The following SBF2 variants were observed in gnomAD, a reference collection of about 807,000 sequenced individuals.
SBF2 encodes the protein myotubularin-related protein 13.
A neutral mutation model predicts 225.2 loss-of-function variants in SBF2; 112 were observed. The observed-to-expected ratio is 0.50, with a 90% CI of 0.43 to 0.58. SBF2 has a LOEUF of 0.58. Among genes scored for constraint, SBF2 ranks in the 20% least tolerant of loss-of-function variants. The probability of loss-of-function intolerance (pLI) is 0.00; values close to 1 mark genes in which losing one functional copy is unlikely to be tolerated. For missense variants in SBF2, 1,996 were observed against 2,206.2 expected (o/e 0.90, Z 1.91); for synonymous variants, 763 against 773.3 (o/e 0.99, Z 0.22).
chr11:9,851,602 C>T (rs1479756059), intron 21 of SBF2, among the ~76,000 whole-genome samples: 1 of 152,032 alleles, frequency 6.6e-6, no homozygotes, highest in Non-Finnish European at 1.5e-5. Context: ...TTATTTTTTA[C>T]TAAGCAATAA....
At chr11:9,910,184 T>C (rs184273383) in intron 16 of SBF2, among the ~76,000 whole-genome samples, 145 of 152,238 alleles carry the variant, frequency 9.5e-4, no homozygotes, top group Non-Finnish European at 1.6e-3. Context: ...ATGGACTGCA[T>C]ATATGATGGT....
At chr11:10,296,450 T>TA (rs199676480), upstream of SBF2, among the ~76,000 whole-genome samples, 2,199 of 152,166 alleles carry the variant, frequency 0.014, 59 homozygotes, top group African/African-American at 0.051. Flanking sequence ...TCAAATCTCA[T>TA]AAAACTTATT....
chr11:9,792,799 C>T (rs934836251), intron 33 of SBF2, among the ~76,000 whole-genome samples: 6 of 152,078 alleles, frequency 3.9e-5, no homozygotes, highest in Admixed American at 3.3e-4. Flanking sequence ...GTCACCCAGG[C>T]TGGAGTGCAG....
chr11:9,910,556 C>G (rs1862514591), intron 16 of SBF2, among the ~76,000 whole-genome samples: 1 of 152,034 alleles, frequency 6.6e-6, no homozygotes, highest in Admixed American at 6.6e-5. Context: ...GAGATGACAG[C>G]TCCATGTGTG....
intron 16 of SBF2, among the ~76,000 whole-genome samples, chr11:9,937,267 T>C (rs1018637773): frequency 2.6e-5 from 4 of 152,148 alleles, no homozygotes; most frequent in Non-Finnish European, 5.9e-5. Flanking sequence ...GGGAAGATCC[T>C]ACAAGCTTCC....
intron 1 of SBF2, among the ~76,000 whole-genome samples, chr11:10,259,175 T>C (rs944398489): frequency 1.3e-5 from 2 of 152,176 alleles, no homozygotes; most frequent in Non-Finnish European, 2.9e-5. Flanking sequence ...TTGTGTGAAA[T>C]GAAGTAGTAC....
intron 1 of SBF2, among the ~76,000 whole-genome samples, chr11:10,299,464 T>C (rs367642897): frequency 2.0e-5 from 3 of 152,170 alleles, no homozygotes; most frequent in East Asian, 1.9e-4. Flanking sequence ...ATATAGGTAC[T>C]GTAAGAGTTT....
At chr11:9,860,038 A>C (rs903903072) in intron 17 of SBF2, among the ~76,000 whole-genome samples, 10 of 152,194 alleles carry the variant, frequency 6.6e-5, no homozygotes, top group African/African-American at 2.4e-4. Context: ...TGCTCATTTA[A>C]GAAACAGTTA....
At chr11:9,953,528 C>T (rs979461340) in intron 16 of SBF2, among the ~76,000 whole-genome samples, 5 of 152,158 alleles carry the variant, frequency 3.3e-5, no homozygotes, top group African/African-American at 4.8e-5. Context: ...TAATGGCATT[C>T]GCAGCAACCT....
chr11:10,122,185 A>T (rs887510741), intron 2 of SBF2, among the ~76,000 whole-genome samples: 2 of 152,224 alleles, frequency 1.3e-5, no homozygotes, highest in Non-Finnish European at 2.9e-5. Context: ...CATTGTGAAG[A>T]AGGAAAAAGA....
At chr11:10,201,526 CTGTT>C (rs1482095576) in intron 1 of SBF2, among the ~76,000 whole-genome samples, 4 of 152,172 alleles carry the variant, frequency 2.6e-5, no homozygotes, top group Non-Finnish European at 4.4e-5. Flanking sequence ...TGAGAGAAGT[CTGTT>C]TGTTTCAACT....
intron 2 of SBF2, among the ~76,000 whole-genome samples, chr11:10,122,198 T>C (rs1953493403): frequency 1.3e-5 from 2 of 152,168 alleles, no homozygotes; most frequent in Non-Finnish European, 2.9e-5. Flanking sequence ...GAAAAAGAAA[T>C]TCATGCTAAT....
At chr11:10,261,646 A>T (rs1961441451) in intron 1 of SBF2, among the ~76,000 whole-genome samples, 1 of 152,242 alleles carries the variant, frequency 6.6e-6, no homozygotes. Flanking sequence ...AAAAGAAATT[A>T]AAAACTACAC....
chr11:9,972,227 C>T (rs761469292), intron 13 of SBF2, among the ~76,000 whole-genome samples: 21 of 152,052 alleles, frequency 1.4e-4, no homozygotes, highest in Non-Finnish European at 2.8e-4. Flanking sequence ...GAGTATTGAA[C>T]GAGCTGTTAC....
chr11:9,938,317 A>G (rs550777825), intron 16 of SBF2, among the ~76,000 whole-genome samples: 1 of 152,172 alleles, frequency 6.6e-6, no homozygotes, highest in African/African-American at 2.4e-5. Flanking sequence ...AAAAAAAGAT[A>G]ATATTAAATT....
At chr11:10,286,168 A>ACG (rs1017664152) in intron 1 of SBF2, among the ~76,000 whole-genome samples, 2 of 57,652 alleles carry the variant, frequency 3.5e-5, no homozygotes, top group African/African-American at 9.5e-5. Flanking sequence ...ACGCACACGC[A>ACG]CACACACACA....
At chr11:9,942,050 T>C (rs1018730468) in intron 16 of SBF2, among the ~76,000 whole-genome samples, 1 of 152,200 alleles carries the variant, frequency 6.6e-6, no homozygotes, top group African/African-American at 2.4e-5. Flanking sequence ...ACAAAATATG[T>C]ATGAGACCTT....
At chr11:10,132,306 C>T (rs1224257770) in intron 2 of SBF2, among the ~76,000 whole-genome samples, 1 of 152,146 alleles carries the variant, frequency 6.6e-6, no homozygotes, top group Non-Finnish European at 1.5e-5. Context: ...ATTTCGTGAA[C>T]GACAGGGGTC....
chr11:10,214,198 T>C (rs941365412), intron 1 of SBF2, among the ~76,000 whole-genome samples: 42 of 152,134 alleles, frequency 2.8e-4, no homozygotes, highest in Non-Finnish European at 5.6e-4. Flanking sequence ...CTCTACTCAC[T>C]AGATACCAGT....
Sources: allele counts gnomAD v4.1 joint callset (sites outside exome capture counted in the v4.1 genomes callset), GRCh38; gene constraint gnomAD v4.1.1; transcripts MANE v1.5; gene names NCBI Gene and HGNC (gene_info 2026-07-23, HGNC 2026-07-21).